CRIM1: variants seen among roughly 807,000 people sequenced by gnomAD.
CRIM1 encodes cysteine-rich motor neuron 1 protein.
CRIM1 carries 32 observed loss-of-function variants against 116.4 expected under a neutral mutation model. The observed-to-expected ratio is 0.27, with a 90% CI of 0.21 to 0.37. CRIM1 has a LOEUF of 0.37. CRIM1 is among the 10% of genes least tolerant of loss of function. The pLI, the probability that CRIM1 is intolerant of heterozygous loss-of-function variation, is 1.00. For missense variants in CRIM1, 1,331 were observed against 1,354.8 expected (o/e 0.98, Z 0.28); for synonymous variants, 590 against 509.2 (o/e 1.16, Z -2.13).
At chr2:36,407,035 G>C (rs74335689) in intron 2 of CRIM1, among the ~76,000 whole-genome samples, 3 of 152,032 alleles carry the variant, frequency 2.0e-5, no homozygotes, top group African/African-American at 7.3e-5. Flanking sequence ...CACCTTCTGC[G>C]TGGGTCAGGG....
intron 1 of CRIM1, among the ~76,000 whole-genome samples, chr2:36,387,364 T>C (rs986668509): frequency 6.6e-6 from 1 of 152,238 alleles, no homozygotes; most frequent in African/African-American, 2.4e-5. Flanking sequence ...GTATGTTTGA[T>C]AACTGAAAAT....
chr2:36,528,888 C>G (rs910865804), intron 13 of CRIM1, among the ~76,000 whole-genome samples: 3 of 152,166 alleles, frequency 2.0e-5, no homozygotes, highest in Non-Finnish European at 4.4e-5. Flanking sequence ...ACCCTATGCC[C>G]TAGGAAGCAA....
intron 2 of CRIM1, among the ~76,000 whole-genome samples, chr2:36,401,980 A>C (rs1336541383): frequency 6.9e-6 from 1 of 144,080 alleles, no homozygotes; most frequent in East Asian, 2.0e-4. Context: ...CTGTAGCAAG[A>C]AACCTTCTGC....
chr2:36,489,504 G>C (rs1680071776), intron 7 of CRIM1, among the ~76,000 whole-genome samples: 1 of 152,072 alleles, frequency 6.6e-6, no homozygotes, highest in Non-Finnish European at 1.5e-5. Flanking sequence ...AATTCCACAG[G>C]GGGTGTGTCC....
At chr2:36,381,322 C>T (rs1333659152) in intron 1 of CRIM1, among the ~76,000 whole-genome samples, 1 of 152,194 alleles carries the variant, frequency 6.6e-6, no homozygotes, top group African/African-American at 2.4e-5. Flanking sequence ...ACAGGCAGCT[C>T]CCGCTAGACT....
chr2:36,452,655 C>T (rs1202202901), intron 4 of CRIM1, among the ~76,000 whole-genome samples: 7 of 151,794 alleles, frequency 4.6e-5, no homozygotes, highest in African/African-American at 7.3e-5. Flanking sequence ...CAGATGCGTG[C>T]GTGCTGTGTT....
At chr2:36,382,084 C>G (rs77123440) in intron 1 of CRIM1, among the ~76,000 whole-genome samples, 1 of 151,942 alleles carries the variant, frequency 6.6e-6, no homozygotes, top group African/African-American at 2.4e-5. Context: ...TGCTCCTCTC[C>G]GGGATTAGGG....
intron 1 of CRIM1, among the ~76,000 whole-genome samples, chr2:36,395,633 A>G (rs1671967699): frequency 6.6e-6 from 1 of 152,190 alleles, no homozygotes; most frequent in Admixed American, 6.5e-5. Flanking sequence ...TCTTTTTAAA[A>G]TCGACCTTAT....
intron 5 of CRIM1, among the ~76,000 whole-genome samples, chr2:36,469,985 CA>C (rs1418269190): frequency 6.6e-6 from 1 of 152,126 alleles, no homozygotes; most frequent in East Asian, 1.9e-4. Context: ...TTGAAACTAG[CA>C]AACATATTTT....
At chr2:36,372,509 G>C (rs1273111989) in intron 1 of CRIM1, among the ~76,000 whole-genome samples, 1 of 152,142 alleles carries the variant, frequency 6.6e-6, no homozygotes, top group East Asian at 1.9e-4. Flanking sequence ...GATACATTTG[G>C]TGCTAAGCTT....
chr2:36,524,089 C>T (rs966298737), intron 13 of CRIM1, among the ~76,000 whole-genome samples: 3 of 152,162 alleles, frequency 2.0e-5, no homozygotes, highest in African/African-American at 7.2e-5. Context: ...CTTCAAACCA[C>T]GATGCTTTTG....
At chr2:36,449,381 C>G (rs552099604) in intron 4 of CRIM1, among the ~76,000 whole-genome samples, 2 of 152,326 alleles carry the variant, frequency 1.3e-5, no homozygotes, top group East Asian at 3.9e-4. Flanking sequence ...CTCTCCAGTC[C>G]TGCCTCTCAG....
At chr2:36,403,412 T>A (rs372960939) in intron 2 of CRIM1, among the ~76,000 whole-genome samples, 1 of 152,364 alleles carries the variant, frequency 6.6e-6, no homozygotes, top group East Asian at 1.9e-4. Context: ...TGTTTTATAT[T>A]GAGTGGACAA....
chr2:36,368,064 A>G (rs766296917), intron 1 of CRIM1, among the ~76,000 whole-genome samples: 5 of 152,210 alleles, frequency 3.3e-5, no homozygotes, highest in Non-Finnish European at 7.3e-5. Context: ...TCTTCCTAAT[A>G]CTGCAGGCAG....
At chr2:36,537,997 T>C in intron 14 of CRIM1, among the ~76,000 whole-genome samples, 1 of 152,190 alleles carries the variant, frequency 6.6e-6, no homozygotes, top group South Asian at 2.1e-4. Flanking sequence ...ATTCTTTTTT[T>C]ACTTCATCAG....
intron 1 of CRIM1, among the ~76,000 whole-genome samples, chr2:36,394,248 C>T (rs1487788754): frequency 6.6e-6 from 1 of 152,174 alleles, no homozygotes; most frequent in Non-Finnish European, 1.5e-5. Flanking sequence ...TCAAATGTTA[C>T]TTGAATTTCT....
At chr2:36,463,810 T>C (rs1677775797) in intron 4 of CRIM1, among the ~76,000 whole-genome samples, 1 of 152,184 alleles carries the variant, frequency 6.6e-6, no homozygotes, top group Non-Finnish European at 1.5e-5. Flanking sequence ...CCCCCATTCA[T>C]GCGTGCAGAG....
chr2:36,477,781 T>C (rs965891923), intron 6 of CRIM1, among the ~76,000 whole-genome samples: 9 of 152,218 alleles, frequency 5.9e-5, no homozygotes, highest in African/African-American at 2.2e-4. Context: ...AAACAGTTGC[T>C]CTGAATATCA....
At chr2:36,419,463 T>C (rs145855019) in intron 2 of CRIM1, among the ~76,000 whole-genome samples, 69 of 152,338 alleles carry the variant, frequency 4.5e-4, no homozygotes, top group African/African-American at 1.6e-3. Flanking sequence ...AATAGACTCA[T>C]TGACATCCCA....
Sources: gnomAD v4.1 joint callset for allele counts (sites outside exome capture counted in the v4.1 genomes callset) on GRCh38, gnomAD v4.1.1 for gene constraint, MANE v1.5 for transcripts, NCBI Gene and HGNC (gene_info 2026-07-23, HGNC 2026-07-21) for gene names.